Variants in TMC7 observed in about 807,000 individuals in gnomAD.
The protein encoded by TMC7 is transmembrane channel like 7.
A neutral mutation model predicts 82.9 loss-of-function variants in TMC7; 54 were observed. The ratio of observed to expected loss-of-function variants is 0.65; its 90% CI spans 0.52 to 0.82. The LOEUF is 0.82. Ranked by LOEUF, TMC7 falls within the 40% of genes least tolerant of loss-of-function variation. TMC7 has a pLI of 0.00. For synonymous variants in TMC7, 350 were observed against 337.9 expected, an observed-to-expected ratio of 1.04 and a Z score of -0.39; for missense variants, 820 against 901.2, an observed-to-expected ratio of 0.91 and a Z score of 1.15.
chr16:19,051,956 G>T, intron 13 of TMC7, 140 bp downstream of exon 13: 1 of 1,148,938 alleles, frequency 8.7e-7, no homozygotes, highest in Non-Finnish European at 1.2e-6. Flanking sequence ...GTGTGGTGGC[G>T]CAGTCTTGGC....
intron 1 of TMC7, among the ~76,000 whole-genome samples, chr16:19,006,803 GT>G (rs968780075): frequency 4.0e-5 from 6 of 151,804 alleles, no homozygotes; most frequent in Non-Finnish European, 5.9e-5. Context: ...TGCCCCAGGG[GT>G]TTTTTTTGTT....
intron 1 of TMC7, among the ~76,000 whole-genome samples, chr16:18,992,135 T>C (rs2038962824): frequency 6.6e-6 from 1 of 152,196 alleles, no homozygotes; most frequent in African/African-American, 2.4e-5. Flanking sequence ...CTGGGTCAAA[T>C]GGTATTTCTA....
chr16:18,984,806 C>T (rs1326536846), intron 1 of TMC7, among the ~76,000 whole-genome samples: 1 of 152,160 alleles, frequency 6.6e-6, no homozygotes, highest in East Asian at 1.9e-4. Flanking sequence ...ATATGTACAA[C>T]GGCTGCCCAG....
chr16:19,009,270 G>C lies in TMC7; in HGVS notation c.166G>C (p.Val56Leu), dbSNP rs747565567. 11 of 1,614,196 alleles carry C rather than the reference G, an allele frequency of 6.8e-6. No homozygotes were observed. In the Middle Eastern group the frequency reaches 1.5e-3, roughly 218 times the overall value. ...YRSIARRRTT[V>L]HSRDKQSGTL... is the part of the protein sequence containing the mutation. ...GTCCATTGCACGTAGGAGAACGACT[G>C]TCCATTCCCGGGACAAGCAAAGCGG... The change falls in exon 2 of 16, where the codon GTC becomes CTC. Residue 56 changes from valine to leucine, a missense_variant. Around this residue, in one of 2 missense-constraint regions of TMC7, gnomAD observed 650 missense variants for 669.9 expected, o/e 0.97. Transcript: ENST00000304381.
chr16:19,027,651 G>T (rs1960299068), intron 5 of TMC7, among the ~76,000 whole-genome samples: 1 of 152,054 alleles, frequency 6.6e-6, no homozygotes, highest in Admixed American at 6.6e-5. Context: ...GTATAAACAG[G>T]TTTCTTCTGG....
intron 6 of TMC7, among the ~76,000 whole-genome samples, chr16:19,031,787 A>G (rs1481846752): frequency 1.3e-5 from 2 of 152,202 alleles, no homozygotes; most frequent in African/African-American, 2.4e-5. Flanking sequence ...TCTAGGACTA[A>G]AGTTGACCAA....
chr16:19,022,379 C>A lies in TMC7; in HGVS notation c.628+583C>A, dbSNP rs190782397. Among the ~76,000 whole-genome samples, 19 of 152,312 alleles carry A rather than the reference C, an allele frequency of 1.2e-4. No individual in the cohort carries two copies. In the Middle Eastern group the frequency reaches 0.014, roughly 109 times the overall value. ...ACATATACAGTCATGTACCCCATGTCAATGTTTCAATTAACAATGGACCAC... is the reference window on the plus strand; with the variant it reads ...ACATATACAGTCATGTACCCCATGTAAATGTTTCAATTAACAATGGACCAC... On this transcript the variant is annotated intron_variant, in intron 4 of 15. Coordinates refer to ENST00000304381, the MANE Select transcript of TMC7 (RefSeq NM_024847.4).
chr16:19,002,305 C>T (rs1007336445), intron 1 of TMC7, among the ~76,000 whole-genome samples: 2 of 145,864 alleles, frequency 1.4e-5, no homozygotes, highest in South Asian at 2.3e-4. Context: ...GGAGTGATCT[C>T]GGCTCACTGC....
Position 19,062,195 on chromosome 16 carries a change from T to C in TMC7, c.*352T>C, listed in dbSNP as rs541048463. On this transcript the variant is annotated 3_prime_UTR_variant, in exon 16 of 16. Coordinates refer to ENST00000304381, the MANE Select transcript of TMC7 (RefSeq NM_024847.4). ...TGCACAAGTGTTTTGGGTTGTGGAC[T>C]GAAGCTCAGCCTGTTAATCAGACCA... 2.3e-5 allele frequency: 5 copies of C among 214,206 alleles called. No homozygotes were observed. Among genetic ancestry groups the C allele is most frequent in the African/African-American group, 4.5e-5 (2 of 44,012 alleles). The allele number at this position is 214,206 out of a possible 1,614,324, so 13.3% of individuals were successfully genotyped here. A position where few individuals can be genotyped will look rare whatever the true frequency, so the allele number is the denominator to read the frequency against.
rs529288259 is a variant in TMC7, at chr16:19,045,085, T to C, written c.1455+84T>C. The C allele has an allele frequency of 1.7e-4, 192 of 1,161,478 alleles. 1 individual carries two copies. In the African/African-American group the frequency reaches 2.7e-3, roughly 16 times the overall value. The allele number at this position is 1,161,478 out of a possible 1,614,324, so 71.9% of individuals were successfully genotyped here. A position where few individuals can be genotyped will look rare whatever the true frequency, so the allele number is the denominator to read the frequency against. ...GTCAAGAGAACAGCGGTTGAAGCCA[T>C]GGGTTTGAACTGCATTTGCTTCGCT... On this transcript the variant is annotated intron_variant, in intron 10 of 15. Transcript: ENST00000304381.
chr16:19,039,153 C>T (rs1218867322), intron 8 of TMC7, among the ~76,000 whole-genome samples: 7 of 148,298 alleles, frequency 4.7e-5, no homozygotes, highest in South Asian at 4.3e-4. Flanking sequence ...TGCAGTGGCA[C>T]GATCCCGGCT....
chr16:19,052,675 A>G (rs371795065), intron 13 of TMC7, among the ~76,000 whole-genome samples: 4 of 152,282 alleles, frequency 2.6e-5, no homozygotes, highest in African/African-American at 7.2e-5. Flanking sequence ...AAACAAAAAA[A>G]TAGGAAAAGC....
chr16:19,022,977 G>T, intron 4 of TMC7, 136 bp from the exon 5 acceptor site: 1 of 453,612 alleles, frequency 2.2e-6, no homozygotes, highest in Non-Finnish European at 4.0e-6. Context: ...CCAAGATCAC[G>T]CCATTGCACT....
chr16:19,008,831 C>T (rs1175308303), intron 1 of TMC7, among the ~76,000 whole-genome samples: 1 of 152,048 alleles, frequency 6.6e-6, no homozygotes, highest in Non-Finnish European at 1.5e-5. Context: ...TATTACCAGC[C>T]CCATTTGACA....
intron 13 of TMC7, among the ~76,000 whole-genome samples, chr16:19,053,521 A>AG (rs1961632705): frequency 6.6e-6 from 1 of 152,062 alleles, no homozygotes; most frequent in Non-Finnish European, 1.5e-5. Flanking sequence ...CTCCTGCCTC[A>AG]GCCTCCAGAG....
intron 5 of TMC7, 66 bp from the exon 6 acceptor site, chr16:19,030,158 G>T: frequency 6.5e-7 from 1 of 1,526,890 alleles, no homozygotes. Context: ...TTGAGGCAGG[G>T]ACTACTCTTC....
rs767291933 is a variant in TMC7, at chr16:19,056,631, C to T, written c.1961C>T (p.Ser654Leu). The change falls in exon 14 of 16, where the codon TCG becomes TTG. Residue 654 changes from serine (S) to leucine (L), a missense_variant. Transcript: ENST00000304381. ...AAGACGGTGAGCACCTTCCCCAGCT[C>T]GCTGCAGTCCTTCATCCATGGTGTC... Reference protein sequence around the residue: ...IPKTVSTFPSSLQSFIHGVTS... With the variant: ...IPKTVSTFPSLLQSFIHGVTS... 5 of 1,614,114 alleles carry T rather than the reference C, an allele frequency of 3.1e-6. No homozygotes were observed. The highest frequency in any genetic ancestry group is 2.2e-5 in the South Asian group (2 of 91,086).
In TMC7 at chr16:19,032,095, A is replaced by C. The variant is rs181445046; in HGVS notation, c.857+1726A>C. 1.5e-3 allele frequency among the ~76,000 whole-genome samples: 223 copies of C among 152,340 alleles called. 1 individual carries two copies. The highest frequency in any genetic ancestry group is 2.8e-3 in the Admixed American group (43 of 15,294). Reference sequence around the variant, plus strand: ...CTCTGCGCCAGGGGGGTTGCTTGGCAGACAGTATCATGGATGGGCCTCTTT... The same window carrying C: ...CTCTGCGCCAGGGGGGTTGCTTGGCCGACAGTATCATGGATGGGCCTCTTT... On this transcript the variant is annotated intron_variant, in intron 6 of 15. Transcript: ENST00000304381.
At chr16:19,047,400 C>CT (rs200750528) in intron 12 of TMC7, 151 bp downstream of exon 12, 23,361 of 463,948 alleles carry the variant, frequency 0.05, 1 homozygote, top group Middle Eastern at 0.064. Flanking sequence ...AAAAATATTG[C>CT]TTTTTTTTTT....
Sources: allele counts gnomAD v4.1 joint callset (sites outside exome capture counted in the v4.1 genomes callset), GRCh38; gene constraint gnomAD v4.1.1; regional missense constraint gnomAD v4.1.1; transcripts MANE v1.5; gene names NCBI Gene and HGNC (gene_info 2026-07-23, HGNC 2026-07-21).